AIG1: variants seen among roughly 807,000 people sequenced by gnomAD.
The protein encoded by AIG1 is androgen induced 1.
A neutral mutation model predicts 31.4 loss-of-function variants in AIG1; 23 were observed. The observed-to-expected ratio is 0.73, with a 90% CI of 0.53 to 1.04. The LOEUF (loss-of-function observed/expected upper bound fraction) is 1.04. AIG1 is among the 50% of genes least tolerant of loss of function. AIG1 has a pLI of 0.00. For synonymous variants in AIG1, 100 were observed against 110.5 expected, an observed-to-expected ratio of 0.90 and a Z score of 0.60; for missense variants, 274 against 295.0, an observed-to-expected ratio of 0.93 and a Z score of 0.52.
At chr6:143,290,382 T>C (rs1216271000) in intron 4 of AIG1, among the ~76,000 whole-genome samples, 1 of 152,214 alleles carries the variant, frequency 6.6e-6, no homozygotes, top group African/African-American at 2.4e-5. Flanking sequence ...TCTCCCTGAT[T>C]CTTTCCTTGG....
chr6:143,335,206 G>A (rs949000279), intron 5 of AIG1: 55 of 1,204,580 alleles, frequency 4.6e-5, no homozygotes, highest in South Asian at 9.3e-5. Flanking sequence ...GGCCTACATC[G>A]TGGAATTTTT....
At chr6:143,094,751 GA>G (rs60985699) in intron 1 of AIG1, among the ~76,000 whole-genome samples, 19,662 of 143,130 alleles carry the variant, frequency 0.14, 3,758 homozygotes, top group African/African-American at 0.43. Flanking sequence ...TGATCAAATA[GA>G]AAAAAAAAAC....
intron 3 of AIG1, among the ~76,000 whole-genome samples, chr6:143,253,246 G>A (rs1328586067): frequency 6.6e-6 from 1 of 152,054 alleles, no homozygotes; most frequent in Non-Finnish European, 1.5e-5. Context: ...GTATTGAATG[G>A]GTCATGTTCT....
chr6:143,145,355 A>G (rs1329517603), intron 2 of AIG1, among the ~76,000 whole-genome samples: 1 of 152,106 alleles, frequency 6.6e-6, no homozygotes, highest in Non-Finnish European at 1.5e-5. Context: ...TACATTTTCT[A>G]TTATCCACGT....
intron 4 of AIG1, among the ~76,000 whole-genome samples, chr6:143,313,355 T>C (rs1361956722): frequency 1.3e-5 from 2 of 152,164 alleles, no homozygotes; most frequent in Non-Finnish European, 2.9e-5. Context: ...ATATACACAA[T>C]GGAGTACTAC....
At chr6:143,196,357 A>G (rs9403461) in intron 3 of AIG1, among the ~76,000 whole-genome samples, 1,812 of 66,844 alleles carry the variant, frequency 0.027, 34 homozygotes, top group East Asian at 0.15. Context: ...AGCAACACAC[A>G]CACACACACA....
chr6:143,142,631 C>G lies in AIG1; in HGVS notation c.297+5641C>G, dbSNP rs114693000. ...GGGTGTCCAGGTTATTAGGAGCAAACTGGCATGTGCCTGTATTAACTTTTC... is the reference window on the plus strand; with the variant it reads ...GGGTGTCCAGGTTATTAGGAGCAAAGTGGCATGTGCCTGTATTAACTTTTC... On this transcript the variant is annotated intron_variant, in intron 2 of 5. Transcript: ENST00000357847. Among the ~76,000 whole-genome samples, 1,262 of 152,270 alleles carry G rather than the reference C, an allele frequency of 8.3e-3. 19 individuals carry two copies. Among genetic ancestry groups the G allele is most frequent in the African/African-American group, 0.027 (1,101 of 41,546 alleles).
intron 4 of AIG1, among the ~76,000 whole-genome samples, chr6:143,313,921 A>G (rs1356314759): frequency 6.6e-6 from 1 of 152,090 alleles, no homozygotes; most frequent in Non-Finnish European, 1.5e-5. Context: ...GAAGCTTGAT[A>G]CTTGTCTCCT....
intron 1 of AIG1, among the ~76,000 whole-genome samples, chr6:143,124,458 G>A (rs1353089070): frequency 6.6e-6 from 1 of 152,150 alleles, no homozygotes; most frequent in African/African-American, 2.4e-5. Flanking sequence ...TCCTGCCCAC[G>A]GTGGACCGTG....
rs1562508959 is a variant in AIG1, at chr6:143,229,787, A to AAC, written c.400-54322_400-54321insCA. ...TCTCGTTTCTGGACTCTCAGAACAA[A>AAC]AAAAAAAAAAAAAAAAAGGATCTTT... is the stretch of plus-strand genomic sequence containing the variant. On this transcript the variant is annotated intron_variant, in intron 3 of 5. Coordinates refer to ENST00000357847, the MANE Select transcript of AIG1 (RefSeq NM_016108.4). 1.0e-3 allele frequency among the ~76,000 whole-genome samples: 112 copies of AAC among 108,714 alleles called. 1 individual carries two copies. Among genetic ancestry groups the AAC allele is most frequent in the African/African-American group, 3.9e-3 (104 of 26,730 alleles). The allele number at this position is 108,714 out of a possible 152,430, so 71.3% of individuals were successfully genotyped here. A position where few individuals can be genotyped will look rare whatever the true frequency, so the allele number is the denominator to read the frequency against.
chr6:143,110,418 A>G (rs1285818264), intron 1 of AIG1, among the ~76,000 whole-genome samples: 1 of 152,224 alleles, frequency 6.6e-6, no homozygotes, highest in East Asian at 1.9e-4. Context: ...ACATTTTTCA[A>G]TATTGTACCT....
chr6:143,231,905 T>C (rs1040856994), intron 3 of AIG1, among the ~76,000 whole-genome samples: 4 of 152,190 alleles, frequency 2.6e-5, no homozygotes, highest in Non-Finnish European at 5.9e-5. Context: ...CCATGAGTTC[T>C]TTGATATGCC....
intron 1 of AIG1, among the ~76,000 whole-genome samples, chr6:143,091,152 T>A (rs549640120): frequency 4.6e-5 from 7 of 152,314 alleles, no homozygotes; most frequent in Middle Eastern, 6.8e-3. Context: ...ATCTTCAGAC[T>A]CCACTTTTAA....
chr6:143,303,573 C>T (rs1798997487), intron 4 of AIG1, among the ~76,000 whole-genome samples: 2 of 151,980 alleles, frequency 1.3e-5, no homozygotes, highest in Non-Finnish European at 2.9e-5. Flanking sequence ...CTGTTCTGTT[C>T]CATTGATCTA....
chr6:143,235,919 AG>A (rs925240265), intron 3 of AIG1, among the ~76,000 whole-genome samples: 6 of 152,086 alleles, frequency 3.9e-5, no homozygotes, highest in African/African-American at 1.4e-4. Context: ...CTCTGGATCT[AG>A]GGAGGGCACC....
At chr6:143,122,187 A>G (rs950451224) in intron 1 of AIG1, among the ~76,000 whole-genome samples, 1 of 152,170 alleles carries the variant, frequency 6.6e-6, no homozygotes, top group African/African-American at 2.4e-5. Flanking sequence ...AGAAAAAGAA[A>G]CATATATTTT....
chr6:143,314,632 A>G (rs902683967), intron 4 of AIG1, among the ~76,000 whole-genome samples: 2 of 152,170 alleles, frequency 1.3e-5, no homozygotes, highest in Non-Finnish European at 2.9e-5. Context: ...TATATGCAAT[A>G]AACTATAAAA....
intron 2 of AIG1, among the ~76,000 whole-genome samples, chr6:143,145,555 C>T (rs1784632563): frequency 6.6e-6 from 1 of 152,162 alleles, no homozygotes; most frequent in Admixed American, 6.5e-5. Flanking sequence ...GCTCCACCTG[C>T]AGATTTCACC....
chr6:143,188,306 A>AGTT, intron 3 of AIG1: 1 of 986,044 alleles, frequency 1.0e-6, no homozygotes, highest in Non-Finnish European at 1.2e-6. Flanking sequence ...TGTTGACACC[A>AGTT]GTTGTTGCTA....
Sources: allele counts gnomAD v4.1 joint callset (sites outside exome capture counted in the v4.1 genomes callset), GRCh38; gene constraint gnomAD v4.1.1; transcripts MANE v1.5; gene names NCBI Gene and HGNC (gene_info 2026-07-23, HGNC 2026-07-21).